ZFPM2: variants seen among roughly 807,000 people sequenced by gnomAD.
The protein encoded by ZFPM2 is zinc finger protein, FOG family member 2, also known as zinc finger protein ZFPM2.
Under a neutral mutation model 98.6 loss-of-function variants are expected in ZFPM2, and 20 were observed. The observed-to-expected ratio is 0.20, with a 90% CI of 0.14 to 0.29. The LOEUF is 0.29. ZFPM2 is among the 10% of genes least tolerant of loss of function. The probability of loss-of-function intolerance (pLI) is 1.00; values close to 1 mark genes in which losing one functional copy is unlikely to be tolerated. For missense variants in ZFPM2, 1,310 were observed against 1,388.6 expected (o/e 0.94, Z 0.90); for synonymous variants, 518 against 502.7 (o/e 1.03, Z -0.41).
chr8:105,708,782 G>A (rs1381736375), intron 5 of ZFPM2, among the ~76,000 whole-genome samples: 1 of 152,010 alleles, frequency 6.6e-6, no homozygotes, highest in Admixed American at 6.6e-5. Flanking sequence ...CCATTTTACA[G>A]ATATAGAAAC....
intron 5 of ZFPM2, among the ~76,000 whole-genome samples, chr8:105,749,649 C>G (rs1812432227): frequency 6.6e-6 from 1 of 151,444 alleles, no homozygotes; most frequent in African/African-American, 2.4e-5. Context: ...TCATAACAAA[C>G]AAATATTGCT....
At chr8:105,325,482 C>T (rs1812097729) in intron 1 of ZFPM2, among the ~76,000 whole-genome samples, 1 of 151,658 alleles carries the variant, frequency 6.6e-6, no homozygotes, top group Non-Finnish European at 1.5e-5. Context: ...TAATTAATCA[C>T]CATTATCGGC....
intron 3 of ZFPM2, among the ~76,000 whole-genome samples, chr8:105,446,130 C>T (rs983452976): frequency 7.2e-5 from 11 of 152,086 alleles, no homozygotes; most frequent in South Asian, 4.1e-4. Flanking sequence ...CCATATTAGT[C>T]AGGATGGTCT....
intron 3 of ZFPM2, among the ~76,000 whole-genome samples, chr8:105,452,266 A>G (rs1025028712): frequency 6.6e-6 from 1 of 152,156 alleles, no homozygotes; most frequent in African/African-American, 2.4e-5. Context: ...AAACATTTCT[A>G]TGGTTTGAAT....
At chr8:105,591,777 A>G (rs1194860059) in intron 4 of ZFPM2, among the ~76,000 whole-genome samples, 2 of 152,166 alleles carry the variant, frequency 1.3e-5, no homozygotes, top group Admixed American at 6.6e-5. Context: ...AAGTCCTCCA[A>G]CACCTGTATC....
At chr8:105,520,228 T>C (rs1183082524) in intron 3 of ZFPM2, among the ~76,000 whole-genome samples, 1 of 121,772 alleles carries the variant, frequency 8.2e-6, no homozygotes, top group Admixed American at 7.5e-5. Context: ...GTTCCTATCT[T>C]AATACCAAAA....
chr8:105,330,633 C>CATATATATATACACATATATATATACAT (rs1812214835), intron 1 of ZFPM2, among the ~76,000 whole-genome samples: 1 of 85,440 alleles, frequency 1.2e-5, no homozygotes, highest in Admixed American at 1.4e-4. Flanking sequence ...TATATATATA[C>CATATATATATACACATATATATATACAT]ATATATATAT....
chr8:105,760,175 G>T (rs1206911316), intron 5 of ZFPM2, among the ~76,000 whole-genome samples: 1 of 151,952 alleles, frequency 6.6e-6, no homozygotes, highest in African/African-American at 2.4e-5. Context: ...AACAGCAGGG[G>T]TTAAGGCCCT....
intron 1 of ZFPM2, among the ~76,000 whole-genome samples, chr8:105,352,151 C>T (rs1336246553): frequency 2.0e-5 from 3 of 152,248 alleles, no homozygotes; most frequent in Non-Finnish European, 4.4e-5. Flanking sequence ...ATGCATCTTA[C>T]GTTTGGAACT....
intron 3 of ZFPM2, among the ~76,000 whole-genome samples, chr8:105,519,332 G>C (rs760613615): frequency 5.3e-5 from 8 of 151,962 alleles, no homozygotes; most frequent in Non-Finnish European, 1.0e-4. Flanking sequence ...AAAATGCTTA[G>C]CTCAATGCCT....
chr8:105,554,716 T>A (rs915150636), intron 3 of ZFPM2, among the ~76,000 whole-genome samples: 3 of 152,192 alleles, frequency 2.0e-5, no homozygotes, highest in African/African-American at 7.2e-5. Context: ...TGCAGCTATG[T>A]CCTATGAAAT....
intron 6 of ZFPM2, among the ~76,000 whole-genome samples, chr8:105,791,533 A>G (rs1813611375): frequency 1.3e-5 from 2 of 152,048 alleles, no homozygotes; most frequent in Admixed American, 6.5e-5. Context: ...TTCATCAAGG[A>G]TATTGGTCTA....
intron 3 of ZFPM2, among the ~76,000 whole-genome samples, chr8:105,478,450 G>A (rs533298726): frequency 2.0e-5 from 3 of 152,240 alleles, no homozygotes; most frequent in East Asian, 1.9e-4. Flanking sequence ...TCCAAGACCC[G>A]GTGAGACTGG....
chr8:105,462,909 A>T (rs1346051101), intron 3 of ZFPM2, among the ~76,000 whole-genome samples: 1 of 151,800 alleles, frequency 6.6e-6, no homozygotes, highest in Admixed American at 6.6e-5. Context: ...AAATGATACT[A>T]GCTCAGTTCA....
intron 4 of ZFPM2, among the ~76,000 whole-genome samples, chr8:105,629,564 G>T (rs1453686256): frequency 6.6e-6 from 1 of 152,158 alleles, no homozygotes; most frequent in Non-Finnish European, 1.5e-5. Flanking sequence ...ATATCCTGTA[G>T]ATCAGAAATA....
intron 3 of ZFPM2, among the ~76,000 whole-genome samples, chr8:105,551,169 A>G (rs974797931): frequency 3.3e-5 from 5 of 152,226 alleles, no homozygotes; most frequent in East Asian, 1.9e-4. Flanking sequence ...AATATATAGT[A>G]TGTTTATTGA....
At chr8:105,744,227 C>T (rs1417146538) in intron 5 of ZFPM2, among the ~76,000 whole-genome samples, 1 of 152,020 alleles carries the variant, frequency 6.6e-6, no homozygotes, top group Non-Finnish European at 1.5e-5. Flanking sequence ...TTTATAGCTC[C>T]CTGTGGAAGT....
At chr8:105,685,954 G>T (rs946354993) in intron 5 of ZFPM2, among the ~76,000 whole-genome samples, 3 of 152,042 alleles carry the variant, frequency 2.0e-5, no homozygotes, top group African/African-American at 7.2e-5. Flanking sequence ...GGGAAGCTTT[G>T]TGTGATATAT....
chr8:105,724,280 C>T (rs1306176483), intron 5 of ZFPM2, among the ~76,000 whole-genome samples: 1 of 151,782 alleles, frequency 6.6e-6, no homozygotes, highest in African/African-American at 2.4e-5. Flanking sequence ...TTTTACAATG[C>T]GCAGATTCAG....
Sources: gnomAD v4.1 joint callset for allele counts (sites outside exome capture counted in the v4.1 genomes callset) on GRCh38, gnomAD v4.1.1 for gene constraint, MANE v1.5 for transcripts, NCBI Gene and HGNC (gene_info 2026-07-23, HGNC 2026-07-21) for gene names.